The following SHC3 variants were observed in gnomAD, a reference collection of about 807,000 sequenced individuals.
SHC3 encodes SHC adaptor protein 3.
SHC3 carries 15 observed loss-of-function variants against 60.4 expected under a neutral mutation model. The ratio of observed to expected loss-of-function variants is 0.25; its 90% CI spans 0.17 to 0.38. The LOEUF (loss-of-function observed/expected upper bound fraction) is 0.38. Among genes scored for constraint, SHC3 ranks in the 10% least tolerant of loss-of-function variants. The pLI, the probability that SHC3 is intolerant of heterozygous loss-of-function variation, is 1.00. For missense variants in SHC3, 677 were observed against 786.1 expected, an observed-to-expected ratio of 0.86 and a Z score of 1.66; for synonymous variants, 294 against 325.9, an observed-to-expected ratio of 0.90 and a Z score of 1.05.
chr9:89,092,868 C>G (rs112659157), intron 2 of SHC3, among the ~76,000 whole-genome samples: 2,090 of 152,074 alleles, frequency 0.014, 50 homozygotes, highest in African/African-American at 0.045. Context: ...TGAAAAGCAT[C>G]TATTGTTTTA....
chr9:89,067,740 G>C (rs1198864278), intron 5 of SHC3, among the ~76,000 whole-genome samples: 7 of 152,162 alleles, frequency 4.6e-5, no homozygotes, highest in Non-Finnish European at 8.8e-5. Flanking sequence ...CATTCAGATG[G>C]AGATTTAGTT....
chr9:89,068,876 GC>G (rs1244958225), intron 5 of SHC3, among the ~76,000 whole-genome samples: 1 of 152,194 alleles, frequency 6.6e-6, no homozygotes, highest in Non-Finnish European at 1.5e-5. Context: ...CAAGACATCT[GC>G]CTTTTATATG....
chr9:89,165,348 A>C (rs1224435888), intron 1 of SHC3, among the ~76,000 whole-genome samples: 2 of 152,072 alleles, frequency 1.3e-5, no homozygotes, highest in African/African-American at 4.8e-5. Context: ...GAGAAGAATA[A>C]AATTAGTAAG....
At chr9:89,102,432 A>C (rs942429911) in intron 2 of SHC3, among the ~76,000 whole-genome samples, 1 of 152,206 alleles carries the variant, frequency 6.6e-6, no homozygotes, top group Admixed American at 6.5e-5. Context: ...AATTTGAAGA[A>C]AATTTTAGGA....
At chr9:89,059,882 G>A (rs369534857) in intron 6 of SHC3, among the ~76,000 whole-genome samples, 29 of 147,244 alleles carry the variant, frequency 2.0e-4, no homozygotes, top group East Asian at 6.3e-4. Context: ...GGTGGAGGAC[G>A]TTGCAGAGGA....
chr9:89,038,263 G>T lies in SHC3; in HGVS notation c.1386C>A (p.Asn462Lys). Residue 462 changes from asparagine (N) to lysine (K), a missense_variant, in exon 11 of 12, where the codon AAC (asparagine) becomes AAA (lysine). By Grantham distance (94) the Asn-to-Lys change is moderately conservative. Transcript: ENST00000375835. ...DMKPFEDALK[N>K]QPLGPVLSKA... ...TGCTTAACACGGGCCCCAAGGGCTG[G>T]TTCTTGAGAGCATCTTCAAAAGGTT... is the stretch of plus-strand genomic sequence containing the variant. 6.2e-7 allele frequency: 1 copy of T among 1,612,740 alleles called. No homozygotes were observed. The highest frequency in any genetic ancestry group is 8.5e-7 in the Non-Finnish European group (1 of 1,179,370).
At position 89,082,883 on chromosome 9, in the gene SHC3, C is replaced by T. The variant is rs139822463; in HGVS notation, c.546-4980G>A. ...CCTTCCCCACTGGCCCGCTCATCTCCGAGTACCAGAATTTTATAGATAGAT... is the reference window on the plus strand; with the variant it reads ...CCTTCCCCACTGGCCCGCTCATCTCTGAGTACCAGAATTTTATAGATAGAT... On this transcript the variant is annotated intron_variant, in intron 2 of 11. Coordinates refer to ENST00000375835, the MANE Select transcript of SHC3 (RefSeq NM_016848.6). 3.0e-4 allele frequency among the ~76,000 whole-genome samples: 46 copies of T among 152,314 alleles called. 1 individual carries two copies. Among genetic ancestry groups the T allele is most frequent in the Non-Finnish European group, 4.4e-4 (30 of 68,018 alleles).
chr9:89,120,722 CT>C (rs1319520533), intron 1 of SHC3, among the ~76,000 whole-genome samples: 3 of 152,110 alleles, frequency 2.0e-5, no homozygotes, highest in African/African-American at 7.2e-5. Context: ...ATATTTGTTA[CT>C]TTCTTTCCCA....
chr9:89,107,270 G>A (rs1325881727), intron 2 of SHC3, among the ~76,000 whole-genome samples: 1 of 152,172 alleles, frequency 6.6e-6, no homozygotes, highest in Non-Finnish European at 1.5e-5. Context: ...CCATGTTTCT[G>A]GGGTAGTATC....
In SHC3 at chr9:89,118,680, T is replaced by C. The variant is rs569460118; in HGVS notation, c.475-6054A>G. Among the ~76,000 whole-genome samples the C allele has an allele frequency of 2.0e-5, 3 of 149,978 alleles. No homozygotes were observed. In the South Asian group the frequency reaches 6.3e-4, roughly 31 times the overall value. On this transcript the variant is annotated intron_variant, in intron 1 of 11. Coordinates refer to ENST00000375835, the MANE Select transcript of SHC3 (RefSeq NM_016848.6). ...AAAGGAAGGAGGTGTGGAATGTTAA[T>C]GTTCTCTTTCAGCACCAAATACATG... is the stretch of plus-strand genomic sequence containing the variant.
chr9:89,059,043 TGTGGTGGAGGGC>T (rs1825010625), intron 6 of SHC3, among the ~76,000 whole-genome samples: 1 of 127,896 alleles, frequency 7.8e-6, no homozygotes, highest in Non-Finnish European at 1.6e-5. Flanking sequence ...TGGTGGAGGA[TGTGGTGGAGGGC>T]GGTGGTGGAG....
At chr9:89,111,627 C>T (rs1179628938) in intron 2 of SHC3, among the ~76,000 whole-genome samples, 1 of 150,984 alleles carries the variant, frequency 6.6e-6, no homozygotes, top group Non-Finnish European at 1.5e-5. Context: ...TGAATTTCTT[C>T]AGTGAGGAGG....
intron 1 of SHC3, among the ~76,000 whole-genome samples, chr9:89,167,934 C>A (rs1352405766): frequency 6.6e-6 from 1 of 152,176 alleles, no homozygotes; most frequent in Non-Finnish European, 1.5e-5. Flanking sequence ...CTGGGCTTGC[C>A]CCCACCTCGA....
At chr9:89,154,489 A>C (rs1826593532) in intron 1 of SHC3, among the ~76,000 whole-genome samples, 1 of 152,154 alleles carries the variant, frequency 6.6e-6, no homozygotes, top group Non-Finnish European at 1.5e-5. Context: ...GGGTGTGAAA[A>C]GTGGTGCCCA....
intron 1 of SHC3, among the ~76,000 whole-genome samples, chr9:89,120,525 G>C (rs113002705): frequency 6.6e-6 from 1 of 152,168 alleles, no homozygotes; most frequent in African/African-American, 2.4e-5. Flanking sequence ...CCAGCAGAAT[G>C]GTCAAATTTG....
chr9:89,164,246 T>C (rs1826752502), intron 1 of SHC3, among the ~76,000 whole-genome samples: 1 of 152,106 alleles, frequency 6.6e-6, no homozygotes, highest in Admixed American at 6.6e-5. Context: ...TCACTTCATA[T>C]GGATTGACTT....
At chr9:89,046,772 C>A in intron 8 of SHC3, 72 bp downstream of exon 8, 4 of 1,381,036 alleles carry the variant, frequency 2.9e-6, no homozygotes, top group African/African-American at 1.5e-5. Context: ...GAAATAAAAC[C>A]AAAGAAAACA....
chr9:89,115,347 CCAA>C (rs544375880), intron 1 of SHC3, among the ~76,000 whole-genome samples: 18 of 152,086 alleles, frequency 1.2e-4, no homozygotes, highest in Non-Finnish European at 2.1e-4. Flanking sequence ...ATGAATACCA[CCAA>C]CAACAATGAT....
chr9:89,049,507 T>C (rs954124139), intron 7 of SHC3, among the ~76,000 whole-genome samples: 1 of 152,230 alleles, frequency 6.6e-6, no homozygotes, highest in South Asian at 2.1e-4. Context: ...CTTAATAGCA[T>C]TTATTTGGCT....
Sources: gnomAD v4.1 joint callset for allele counts (sites outside exome capture counted in the v4.1 genomes callset) on GRCh38, gnomAD v4.1.1 for gene constraint, MANE v1.5 for transcripts, NCBI Gene and HGNC (gene_info 2026-07-23, HGNC 2026-07-21) for gene names.